TOX: variants seen among roughly 807,000 people sequenced by gnomAD.
TOX encodes the protein thymocyte selection associated high mobility group box.
In TOX, 11 loss-of-function variants were observed where a neutral mutation model predicts 53.7. The observed-to-expected ratio is 0.20, with a 90% CI of 0.13 to 0.34. TOX has a LOEUF of 0.34. Ranked by LOEUF, TOX falls within the 10% of genes least tolerant of loss-of-function variation. TOX has a pLI of 1.00. For synonymous variants in TOX, 225 were observed against 245.3 expected (o/e 0.92, Z 0.77); for missense variants, 570 against 664.6 (o/e 0.86, Z 1.56).
chr8:58,915,013 C>T (rs11988218), intron 3 of TOX, among the ~76,000 whole-genome samples: 5,362 of 150,788 alleles, frequency 0.036, 325 homozygotes, highest in African/African-American at 0.12. Context: ...AAACGGCGCA[C>T]CACGAGACTA....
At chr8:59,003,547 C>CG (rs758844972) in intron 1 of TOX, among the ~76,000 whole-genome samples, 2 of 151,856 alleles carry the variant, frequency 1.3e-5, no homozygotes, top group African/African-American at 4.8e-5. Context: ...CAGTGAAAGA[C>CG]GGGGGGAAAA....
At chr8:58,868,092 T>C (rs1811133233) in intron 3 of TOX, among the ~76,000 whole-genome samples, 1 of 152,276 alleles carries the variant, frequency 6.6e-6, no homozygotes, top group East Asian at 1.9e-4. Flanking sequence ...TGTGTTCTTG[T>C]GATAGTGAAT....
intron 1 of TOX, chr8:58,992,263 C>T (rs1323818952): frequency 2.6e-5 from 4 of 152,182 alleles, no homozygotes; most frequent in Non-Finnish European, 5.9e-5. Context: ...TGACAGGCAC[C>T]AGGCAGCCAC....
intron 1 of TOX, among the ~76,000 whole-genome samples, chr8:59,073,778 C>T (rs1804244164): frequency 6.6e-6 from 1 of 151,974 alleles, no homozygotes; most frequent in South Asian, 2.1e-4. Context: ...CTAGAAATGA[C>T]ATATCAGAAT....
At chr8:59,004,760 A>G (rs1813755536) in intron 1 of TOX, among the ~76,000 whole-genome samples, 1 of 151,422 alleles carries the variant, frequency 6.6e-6, no homozygotes, top group African/African-American at 2.4e-5. Context: ...TACCTAATAC[A>G]GTGCTTAGAC....
chr8:58,913,265 A>G (rs1418737455), intron 3 of TOX, among the ~76,000 whole-genome samples: 3 of 152,198 alleles, frequency 2.0e-5, no homozygotes, highest in Non-Finnish European at 2.9e-5. Flanking sequence ...GCAGTGAGCT[A>G]TGATTGCACC....
intron 4 of TOX, among the ~76,000 whole-genome samples, chr8:58,845,018 A>T (rs1437085490): frequency 1.3e-5 from 2 of 152,160 alleles, no homozygotes; most frequent in Non-Finnish European, 2.9e-5. Flanking sequence ...ACTTTAAAAA[A>T]GCATGTGCTA....
chr8:58,974,797 G>A (rs1165417810), intron 1 of TOX, among the ~76,000 whole-genome samples: 1 of 151,944 alleles, frequency 6.6e-6, no homozygotes, highest in African/African-American at 2.4e-5. Flanking sequence ...CCTTTCATGC[G>A]AAAAACTAAT....
intron 3 of TOX, among the ~76,000 whole-genome samples, chr8:58,865,447 T>C (rs1388637368): frequency 5.9e-5 from 9 of 152,132 alleles, no homozygotes; most frequent in Admixed American, 5.9e-4. Flanking sequence ...TTTTAATTCT[T>C]GTTGAAAACT....
chr8:58,975,512 A>G (rs1813080040), intron 1 of TOX, among the ~76,000 whole-genome samples: 1 of 152,182 alleles, frequency 6.6e-6, no homozygotes, highest in Non-Finnish European at 1.5e-5. Context: ...AGTAAAGCAA[A>G]TCACACAAAC....
At chr8:59,097,538 C>T (rs1417551756) in intron 1 of TOX, among the ~76,000 whole-genome samples, 2 of 152,154 alleles carry the variant, frequency 1.3e-5, no homozygotes, top group African/African-American at 2.4e-5. Context: ...ATAAAACTCA[C>T]GTAAAGTTTC....
intron 1 of TOX, among the ~76,000 whole-genome samples, chr8:58,966,177 C>A (rs1474243828): frequency 6.6e-6 from 1 of 152,066 alleles, no homozygotes; most frequent in African/African-American, 2.4e-5. Context: ...CTGCTAGTGT[C>A]AAGGCTGAAC....
chr8:58,876,295 A>G (rs1051180498), intron 3 of TOX, among the ~76,000 whole-genome samples: 1 of 152,152 alleles, frequency 6.6e-6, no homozygotes, highest in African/African-American at 2.4e-5. Flanking sequence ...GAATTTTATC[A>G]TCTGAATTGG....
At chr8:58,881,656 G>A (rs751377073) in intron 3 of TOX, among the ~76,000 whole-genome samples, 3 of 146,152 alleles carry the variant, frequency 2.1e-5, no homozygotes, top group Non-Finnish European at 3.0e-5. Context: ...CTTGGGAGGC[G>A]GAGGTTGCAG....
intron 3 of TOX, among the ~76,000 whole-genome samples, chr8:58,926,838 C>T (rs563719305): frequency 1.1e-3 from 163 of 152,174 alleles, no homozygotes; most frequent in African/African-American, 3.8e-3. Context: ...CTACCTGAGG[C>T]GCTAACGCTG....
chr8:59,049,651 T>C (rs890780584), intron 1 of TOX, among the ~76,000 whole-genome samples: 3 of 152,162 alleles, frequency 2.0e-5, no homozygotes, highest in Non-Finnish European at 4.4e-5. Flanking sequence ...TTTTTTCTAA[T>C]CTATAAATTA....
At chr8:59,075,240 A>G (rs1374509021) in intron 1 of TOX, among the ~76,000 whole-genome samples, 1 of 152,196 alleles carries the variant, frequency 6.6e-6, no homozygotes, top group Non-Finnish European at 1.5e-5. Flanking sequence ...GATGGGGTTC[A>G]GAACATGTCA....
At chr8:59,050,458 G>A (rs1430563796) in intron 1 of TOX, among the ~76,000 whole-genome samples, 1 of 151,972 alleles carries the variant, frequency 6.6e-6, no homozygotes, top group East Asian at 1.9e-4. Context: ...TTATTTCTTT[G>A]ATCTAGTACT....
rs1393310019 is a variant in TOX at position 59,118,707 on chromosome 8, C to T, written c.102+179G>A. ...CCGCACAATCGCGGTGTTTGGCAAG[C>T]CCCCGGAGCTACTCCACAATATTTA... On this transcript the variant is annotated intron_variant, in intron 1 of 8. Transcript: ENST00000361421. The surrounding 1 kb of genome is among the most constrained non-coding windows in gnomAD (Gnocchi z 4.1). 1.3e-5 allele frequency among the ~76,000 whole-genome samples: 2 copies of T among 152,158 alleles called. No homozygotes were observed. The highest frequency in any genetic ancestry group is 2.9e-5 in the Non-Finnish European group (2 of 68,026).
Sources: allele counts gnomAD v4.1 joint callset (sites outside exome capture counted in the v4.1 genomes callset), GRCh38; gene constraint gnomAD v4.1.1; non-coding constraint Gnocchi (gnomAD v3.1); transcripts MANE v1.5; gene names NCBI Gene and HGNC (gene_info 2026-07-23, HGNC 2026-07-21).